The following RCAN1 variants were observed in gnomAD, a reference collection of about 807,000 sequenced individuals.
RCAN1 encodes the protein calcipressin-1.
RCAN1 carries 11 observed loss-of-function variants against 22.9 expected under a neutral mutation model. The ratio of observed to expected loss-of-function variants is 0.48; its 90% CI spans 0.30 to 0.79. The LOEUF (loss-of-function observed/expected upper bound fraction) is 0.79, where lower values mean the gene tolerates loss of function less well. Among genes scored for constraint, RCAN1 ranks in the 30% least tolerant of loss-of-function variants. The probability of loss-of-function intolerance (pLI) is 0.06; values close to 1 mark genes in which losing one functional copy is unlikely to be tolerated. For synonymous variants in RCAN1, 136 were observed against 142.3 expected (o/e 0.96, Z 0.32); for missense variants, 291 against 337.8 (o/e 0.86, Z 1.09).
At chr21:34,592,369 G>A (rs1260516897) in intron 1 of RCAN1, among the ~76,000 whole-genome samples, 1 of 152,156 alleles carries the variant, frequency 6.6e-6, no homozygotes, top group Non-Finnish European at 1.5e-5. Flanking sequence ...TTTTGGCACT[G>A]TCTTCTGACT....
chr21:34,586,319 G>A (rs1167499397), intron 1 of RCAN1, among the ~76,000 whole-genome samples: 1 of 151,926 alleles, frequency 6.6e-6, no homozygotes, highest in Non-Finnish European at 1.5e-5. Flanking sequence ...AAGCAAGTCT[G>A]AAAAAATGTC....
rs1984226690 is a variant in RCAN1 at position 34,518,594 on chromosome 21, G to C, written c.587-338C>G. The stretch of plus-strand genomic sequence containing the variant: ...TCCCTTTCTGTCAGCATTTCCTCAA[G>C]TGTGAATGTGAGAAACTTCGGTTCA... On this transcript the variant is annotated intron_variant, in intron 3 of 3. Coordinates refer to ENST00000313806, the MANE Select transcript of RCAN1 (RefSeq NM_004414.7). This position sits in a 1 kb window ranked among gnomAD's most constrained non-coding sequence, Gnocchi z 4.2. 6.6e-6 allele frequency among the ~76,000 whole-genome samples: 1 copy of C among 152,210 alleles called. No individual in the cohort carries two copies. The highest frequency in any genetic ancestry group is 6.5e-5 in the Admixed American group (1 of 15,286).
At chr21:34,534,454 T>G (rs544764907) in intron 1 of RCAN1, among the ~76,000 whole-genome samples, 9 of 152,246 alleles carry the variant, frequency 5.9e-5, no homozygotes, top group African/African-American at 2.2e-4. Context: ...CATAGTCATG[T>G]TGGGACTTGG....
intron 1 of RCAN1, among the ~76,000 whole-genome samples, chr21:34,556,509 G>A (rs932456769): frequency 6.6e-6 from 1 of 151,762 alleles, no homozygotes; most frequent in Non-Finnish European, 1.5e-5. Context: ...AAGGGATGTG[G>A]CATAAGATGG....
At chr21:34,535,721 T>G (rs1359993387) in intron 1 of RCAN1, among the ~76,000 whole-genome samples, 1 of 152,180 alleles carries the variant, frequency 6.6e-6, no homozygotes, top group African/African-American at 2.4e-5. Flanking sequence ...CACAGAACTT[T>G]TATTCCTTAG....
intron 1 of RCAN1, among the ~76,000 whole-genome samples, chr21:34,550,001 G>T (rs189308673): frequency 6.6e-6 from 1 of 152,124 alleles, no homozygotes; most frequent in Non-Finnish European, 1.5e-5. Flanking sequence ...GCACATCAAT[G>T]ATGAGGTGGA....
At position 34,594,644 on chromosome 21, in the gene RCAN1, G is replaced by T. The variant is rs186873379; in HGVS notation, c.252+20116C>A. Among the ~76,000 whole-genome samples, 311 of 152,310 alleles carry T rather than the reference G, an allele frequency of 2.0e-3. 3 individuals are homozygous for T. Among genetic ancestry groups the T allele is most frequent in the Non-Finnish European group, 2.2e-3 (151 of 68,020 alleles). On this transcript the variant is annotated intron_variant, in intron 1 of 3. Coordinates refer to ENST00000313806, the MANE Select transcript of RCAN1 (RefSeq NM_004414.7). ...CTAAGTCAGTTACTTGCATTTGACA[G>T]TCGTAATGTGAGGAGCACTGAATAA...
intron 1 of RCAN1, among the ~76,000 whole-genome samples, chr21:34,544,301 G>A (rs956286219): frequency 6.6e-6 from 1 of 152,216 alleles, no homozygotes; most frequent in African/African-American, 2.4e-5. Flanking sequence ...TCGGAGAAAG[G>A]ATGGGAGAGA....
At chr21:34,613,645 AG>A in intron 1 of RCAN1, 1 of 1,033,524 alleles carries the variant, frequency 9.7e-7, no homozygotes. Context: ...AAGGTTTTAG[AG>A]TAAGATCAAT....
intron 1 of RCAN1, among the ~76,000 whole-genome samples, chr21:34,530,783 C>T (rs1333632998): frequency 6.6e-6 from 1 of 151,898 alleles, no homozygotes; most frequent in African/African-American, 2.4e-5. Context: ...TGCCACCACG[C>T]CCAGCTAATT....
rs779981350 is a variant in RCAN1 at position 34,518,081 on chromosome 21, A to T, written c.*3T>A. The T allele has an allele frequency of 1.4e-5, 23 of 1,614,118 alleles. No homozygotes were observed. Among genetic ancestry groups the T allele is most frequent in the Non-Finnish European group, 1.9e-5 (22 of 1,179,982 alleles). The stretch of plus-strand genomic sequence containing the variant: ...TTGGAATGCGTCCTCGTCGCGTGCC[A>T]GTTCAGCTGAGGTGGATCGGCGTGT... On this transcript the variant is annotated 3_prime_UTR_variant, in exon 4 of 4. Coordinates refer to ENST00000313806, the MANE Select transcript of RCAN1 (RefSeq NM_004414.7). This position sits in a 1 kb window ranked among gnomAD's most constrained non-coding sequence, Gnocchi z 4.2.
chr21:34,560,182 C>T (rs1450605356), intron 1 of RCAN1: 2 of 152,212 alleles, frequency 1.3e-5, no homozygotes. Flanking sequence ...CAAATCATGA[C>T]TGTAACAAGC....
intron 1 of RCAN1, among the ~76,000 whole-genome samples, chr21:34,534,637 G>C (rs886649772): frequency 2.0e-5 from 3 of 152,178 alleles, no homozygotes; most frequent in Non-Finnish European, 4.4e-5. Context: ...GGCATCAAAA[G>C]GCCATGGCTT....
chr21:34,525,007 A>AAG (rs1436886117), intron 1 of RCAN1: 1 of 1,527,006 alleles, frequency 6.5e-7, no homozygotes. Context: ...GCCCGTGTGA[A>AAG]AGGCAGAAGG....
chr21:34,603,167 T>C (rs1481672291), intron 1 of RCAN1, among the ~76,000 whole-genome samples: 2 of 152,148 alleles, frequency 1.3e-5, no homozygotes, highest in African/African-American at 4.8e-5. Flanking sequence ...ATGCCTGAAA[T>C]AAAGTGTAAG....
In RCAN1 at chr21:34,614,833, T is replaced by C. The variant is rs1222814022; in HGVS notation, c.179A>G (p.Asp60Gly). ...SFIDCEMEEV[D>G]LQDLPSATIA... is the part of the protein sequence containing the mutation. ...GGTGGCGCTGGGCAGGTCCTGCAGG[T>C]CCACCTCCTCCATCTCGCAGTCAAT... The change falls in exon 1 of 4, where the codon GAC becomes GGC. Residue 60 changes from aspartate (D) to glycine (G), a missense_variant. Asp to Gly is a moderately conservative substitution (Grantham distance 94). Coordinates refer to ENST00000313806, the MANE Select transcript of RCAN1 (RefSeq NM_004414.7). The surrounding 1 kb of genome is among the most constrained non-coding windows in gnomAD (Gnocchi z 6.0). 17 of 1,486,990 alleles carry C rather than the reference T, an allele frequency of 1.1e-5. No homozygotes were observed. Among genetic ancestry groups the C allele is most frequent in the Non-Finnish European group, 1.5e-5 (17 of 1,116,756 alleles). 92.1% of individuals were successfully genotyped at this position (1,486,990 alleles called of 1,614,324 possible).
intron 1 of RCAN1, among the ~76,000 whole-genome samples, chr21:34,577,215 A>T (rs1031729631): frequency 6.6e-6 from 1 of 152,252 alleles, no homozygotes; most frequent in Non-Finnish European, 1.5e-5. Context: ...CAAAGTAAGG[A>T]TTTTGAACAT....
At chr21:34,546,759 T>A (rs1986157863) in intron 1 of RCAN1, among the ~76,000 whole-genome samples, 1 of 152,212 alleles carries the variant, frequency 6.6e-6, no homozygotes. Flanking sequence ...GGTTTTTCCC[T>A]GAGATGTACA....
At chr21:34,589,523 C>T (rs1013014836) in intron 1 of RCAN1, among the ~76,000 whole-genome samples, 27 of 152,118 alleles carry the variant, frequency 1.8e-4, no homozygotes, top group African/African-American at 5.3e-4. Flanking sequence ...TGGTTAATTG[C>T]GTGTGTCAAA....
Sources: gnomAD v4.1 joint callset for allele counts (sites outside exome capture counted in the v4.1 genomes callset) on GRCh38, gnomAD v4.1.1 for gene constraint, Gnocchi (gnomAD v3.1) non-coding constraint, MANE v1.5 for transcripts, NCBI Gene and HGNC (gene_info 2026-07-23, HGNC 2026-07-21) for gene names.